Variants in F7 observed in about 807,000 individuals in gnomAD.
F7 encodes coagulation factor VII, also known as FVII coagulation protein.
Under a neutral mutation model 47.5 loss-of-function variants are expected in F7, and 38 were observed. That is an observed-to-expected ratio of 0.80 (90% CI 0.62 to 1.05). The LOEUF is 1.05. Ranked by LOEUF, F7 falls within the 50% of genes least tolerant of loss-of-function variation. The pLI is 0.00. For synonymous variants in F7, 244 were observed against 258.5 expected (o/e 0.94, Z 0.54); for missense variants, 575 against 605.4 (o/e 0.95, Z 0.53).
rs1445310154 is a variant in F7, at chr13:113,113,168, A to C, written c.226-584A>C. ...GACACCTCATGCTCAAAGAAGCCTC[A>C]CACTCACAGGAGGTCCAGCTGTCTG... On this transcript the variant is annotated intron_variant, in intron 2 of 7. Coordinates refer to ENST00000346342, the MANE Select transcript of F7 (RefSeq NM_019616.4). This position sits in a 1 kb window ranked among gnomAD's most constrained non-coding sequence, Gnocchi z 4.1. Among the ~76,000 whole-genome samples the C allele has an allele frequency of 6.6e-6, 1 of 152,208 alleles. No homozygotes were observed. The highest frequency in any genetic ancestry group is 6.5e-5 in the Admixed American group (1 of 15,280).
intron 4 of F7, among the ~76,000 whole-genome samples, chr13:113,115,264 G>T (rs374882692): frequency 1.3e-5 from 2 of 152,196 alleles, no homozygotes; most frequent in South Asian, 2.1e-4. Context: ...TCAGCTCTCT[G>T]GTCCTCTCGT....
rs780677827 is a variant in F7 at position 113,116,866 on chromosome 13, T to G, written c.606T>G (p.Cys202Trp). Residue 202 changes from cysteine (C) to tryptophan (W), a missense_variant, in exon 6 of 8, where the codon TGT (cysteine) becomes TGG (tryptophan). By Grantham distance (215) the Cys-to-Trp change is radical. Coordinates refer to ENST00000346342, the MANE Select transcript of F7 (RefSeq NM_019616.4). ...VGGKVCPKGE[C>W]PWQVLLLVNG... ...GCAAGGTGTGCCCCAAAGGGGAGTG[T>G]CCATGGCAGGTAAGGCTTCCCCTGG... is the stretch of plus-strand genomic sequence containing the variant. 6.2e-7 allele frequency: 1 copy of G among 1,613,030 alleles called. No homozygotes were observed. The highest frequency in any genetic ancestry group is 1.1e-5 in the South Asian group (1 of 91,074).
At position 113,118,602 on chromosome 13, in the gene F7, C is replaced by T. The variant is rs200212201; in HGVS notation, c.929C>T (p.Thr310Met). ...CLPERTFSERTLAFVRFSLVS... is the reference protein window; with the variant it reads ...CLPERTFSERMLAFVRFSLVS... The stretch of plus-strand genomic sequence containing the variant: ...CCCGAACGGACGTTCTCTGAGAGGA[C>T]GCTGGCCTTCGTGCGCTTCTCATTG... The change falls in exon 8 of 8, where the codon ACG (threonine) becomes ATG (methionine). Residue 310 changes from threonine to methionine, a missense_variant. By Grantham distance (81) the Thr-to-Met change is moderately conservative (BLOSUM62 -1). Coordinates refer to ENST00000346342, the MANE Select transcript of F7 (RefSeq NM_019616.4). 4.0e-5 allele frequency: 65 copies of T among 1,612,770 alleles called. No homozygotes were observed. The highest frequency in any genetic ancestry group is 1.0e-4 in the Admixed American group (6 of 59,998).
intron 2 of F7, among the ~76,000 whole-genome samples, chr13:113,112,776 C>G (rs1338834339): frequency 6.7e-6 from 1 of 149,966 alleles, no homozygotes; most frequent in African/African-American, 2.5e-5. Context: ...TAGGTCACCT[C>G]AGTCTTACAG....
At chr13:113,110,516 G>A (rs1467588807) in intron 1 of F7, 174 bp from the exon 2 acceptor site, 3 of 804,346 alleles carry the variant, frequency 3.7e-6, no homozygotes, top group East Asian at 2.9e-5. Context: ...GACGGGGGTG[G>A]CTGACCCGGG....
chr13:113,112,805 G>T (rs2036128231), intron 2 of F7, among the ~76,000 whole-genome samples: 1 of 143,862 alleles, frequency 7.0e-6, no homozygotes. Flanking sequence ...ACACTCACAG[G>T]TCACCTTACT....
Position 113,117,590 on chromosome 13 carries a change from G to C in F7, c.733G>C (p.Val245Leu). Residue 245 changes from valine (V) to leucine (L), a missense_variant, in exon 7 of 8, where the codon GTG becomes CTG. Val to Leu is a conservative substitution (Grantham distance 32, BLOSUM62 1). Transcript: ENST00000346342. The part of the protein sequence containing the change: ...KIKNWRNLIA[V>L]LGEHDLSEHD... The stretch of plus-strand genomic sequence containing the variant: ...CAAGAACTGGAGGAACCTGATCGCG[G>C]TGCTGGGTGGGTACCACTCTCCCCT... The C allele has an allele frequency of 6.2e-7, 1 of 1,602,654 alleles. No homozygotes were observed. Among genetic ancestry groups the C allele is most frequent in the Non-Finnish European group, 8.5e-7 (1 of 1,171,080 alleles).
In F7 at chr13:113,116,867, C is replaced by A; in HGVS notation, c.607C>A (p.Pro203Thr). 2.5e-6 allele frequency: 4 copies of A among 1,612,844 alleles called. No individual in the cohort carries two copies. The highest frequency in any genetic ancestry group is 2.5e-6 in the Non-Finnish European group (3 of 1,179,252). The change falls in exon 6 of 8, where the codon CCA becomes ACA. Residue 203 changes from proline to threonine, a missense_variant. Physicochemically the swap from Pro to Thr is conservative, Grantham distance 38. Transcript: ENST00000346342. ...CAAGGTGTGCCCCAAAGGGGAGTGT[C>A]CATGGCAGGTAAGGCTTCCCCTGGC... is the stretch of plus-strand genomic sequence containing the variant. ...GGKVCPKGEC[P>T]WQVLLLVNGA...
intron 2 of F7, 144 bp downstream of exon 2, chr13:113,110,994 C>A: frequency 2.1e-6 from 2 of 934,456 alleles, no homozygotes; most frequent in African/African-American, 1.8e-5. Context: ...CTGCGGGGGT[C>A]GCTTTCCGCC....
At chr13:113,111,303 G>A (rs574639746) in intron 2 of F7, among the ~76,000 whole-genome samples, 86 of 152,164 alleles carry the variant, frequency 5.7e-4, no homozygotes, top group African/African-American at 2.0e-3. Context: ...TAGGGACCTG[G>A]GACTTTCTCC....
In F7 at chr13:113,105,831, G is replaced by C; in HGVS notation, c.-11G>C. 1 of 1,582,426 alleles carries C rather than the reference G, an allele frequency of 6.3e-7. No homozygotes were observed. The highest frequency in any genetic ancestry group is 1.2e-5 in the South Asian group (1 of 86,332). On this transcript the variant is annotated 5_prime_UTR_variant, in exon 1 of 8. Coordinates refer to ENST00000346342, the MANE Select transcript of F7 (RefSeq NM_019616.4). ...GTCAACAGGCAGGGGCAGCACTGCA[G>C]AGATTTCATCATGGTCTCCCAGGCC...
intron 1 of F7, chr13:113,106,735 TGTGGGGATGGCGA>T (rs1219133191): frequency 2.4e-6 from 2 of 850,384 alleles, no homozygotes; most frequent in African/African-American, 2.9e-5. Context: ...GGGGATGGCG[TGTGGGGATGGCGA>T]GTGGGGGGTG....
At chr13:113,111,888 C>A (rs1364635230) in intron 2 of F7, among the ~76,000 whole-genome samples, 1 of 138,588 alleles carries the variant, frequency 7.2e-6, no homozygotes, top group Non-Finnish European at 1.6e-5. Context: ...ACCTCACACT[C>A]ACAGGACACC....
intron 1 of F7, chr13:113,106,797 C>G: frequency 6.5e-7 from 1 of 1,546,658 alleles, no homozygotes; most frequent in South Asian, 1.2e-5. Flanking sequence ...GGGCTGCAGC[C>G]CTAGCTCACA....
chr13:113,114,057 G>T (rs1042424212), intron 4 of F7, 97 bp downstream of exon 4: 2 of 1,330,892 alleles, frequency 1.5e-6, no homozygotes, highest in Admixed American at 1.9e-5. Flanking sequence ...AACCTGGTGG[G>T]GTGTGTAGGC....
chr13:113,117,130 G>A (rs919012845), intron 6 of F7: 9 of 617,162 alleles, frequency 1.5e-5, no homozygotes, highest in Admixed American at 2.7e-5. Context: ...GAGTTGTCAC[G>A]TCGTCCTCAC....
intron 1 of F7, among the ~76,000 whole-genome samples, chr13:113,108,769 GGGAGTGTGGGTGTCCCA>G (rs2036025820): frequency 9.3e-6 from 1 of 107,716 alleles, no homozygotes; most frequent in African/African-American, 3.5e-5. Context: ...AGGGTGTCCC[GGGAGTGTGGGTGTCCCA>G]GGGGTGTGGG....
intron 1 of F7, among the ~76,000 whole-genome samples, chr13:113,110,039 G>A (rs2036058778): frequency 6.6e-6 from 1 of 152,118 alleles, no homozygotes; most frequent in Non-Finnish European, 1.5e-5. Flanking sequence ...GTGCTCTCAG[G>A]ACCGGCCCCA....
rs374056563 is a variant in F7 at position 113,113,808 on chromosome 13, C to G, written c.250+32C>G. ...GGATGATCACCACCAGTCCTGCCTG[C>G]AACCCTTCTCAGCTTACTGACACCA... On this transcript the variant is annotated intron_variant, in intron 3 of 7. Transcript: ENST00000346342. This position sits in a 1 kb window ranked among gnomAD's most constrained non-coding sequence, Gnocchi z 4.1. The G allele has an allele frequency of 1.2e-6, 2 of 1,614,198 alleles. No individual in the cohort carries two copies. Among genetic ancestry groups the G allele is most frequent in the Non-Finnish European group, 1.7e-6 (2 of 1,180,046 alleles).
Sources: allele counts gnomAD v4.1 joint callset (sites outside exome capture counted in the v4.1 genomes callset), GRCh38; gene constraint gnomAD v4.1.1; non-coding constraint Gnocchi (gnomAD v3.1); transcripts MANE v1.5; gene names NCBI Gene and HGNC (gene_info 2026-07-23, HGNC 2026-07-21).